Variants in GRIA2 observed in about 807,000 individuals in gnomAD.
The protein encoded by GRIA2 is glutamate receptor 2.
In GRIA2, 14 loss-of-function variants were observed where a neutral mutation model predicts 97.3. That is an observed-to-expected ratio of 0.14 (90% CI 0.10 to 0.23). The LOEUF (loss-of-function observed/expected upper bound fraction) is 0.23. GRIA2 is among the 10% of genes least tolerant of loss of function. GRIA2 has a pLI of 1.00. For synonymous variants in GRIA2, 412 were observed against 387.8 expected (o/e 1.06, Z -0.73); for missense variants, 558 against 1,069.8 (o/e 0.52, Z 6.67).
chr4:157,285,144 G>A (rs79846625), intron 2 of GRIA2, among the ~76,000 whole-genome samples: 36 of 151,650 alleles, frequency 2.4e-4, no homozygotes, highest in African/African-American at 8.4e-4. Flanking sequence ...TGGTCTTAAT[G>A]AGCATTTCCC....
intron 4 of GRIA2, among the ~76,000 whole-genome samples, chr4:157,315,275 G>T (rs771141274): frequency 6.6e-6 from 1 of 151,096 alleles, no homozygotes; most frequent in African/African-American, 2.4e-5. Flanking sequence ...TAAATGAAAA[G>T]AATGGTATGC....
chr4:157,243,577 A>G (rs527485975), intron 2 of GRIA2, among the ~76,000 whole-genome samples: 33 of 152,268 alleles, frequency 2.2e-4, no homozygotes, highest in African/African-American at 7.2e-4. Flanking sequence ...TAAAGCACTG[A>G]AGGACATTAA....
chr4:157,296,891 T>G, intron 2 of GRIA2, among the ~76,000 whole-genome samples: 1 of 152,140 alleles, frequency 6.6e-6, no homozygotes, highest in East Asian at 1.9e-4. Flanking sequence ...GCTCACAGTT[T>G]ATGGGCAAAC....
At chr4:157,335,500 C>G in intron 9 of GRIA2, 171 bp from the exon 10 acceptor site, 1 of 594,690 alleles carries the variant, frequency 1.7e-6, no homozygotes, top group South Asian at 2.0e-5. Context: ...CCGAGGCTTT[C>G]TGGGGGGAAG....
At chr4:157,287,356 G>A (rs1220057316) in intron 2 of GRIA2, among the ~76,000 whole-genome samples, 1 of 151,434 alleles carries the variant, frequency 6.6e-6, no homozygotes, top group African/African-American at 2.4e-5. Context: ...TAATATTGCT[G>A]TTTTTTATTT....
chr4:157,281,271 A>G (rs1417190353), intron 2 of GRIA2, among the ~76,000 whole-genome samples: 1 of 152,136 alleles, frequency 6.6e-6, no homozygotes, highest in East Asian at 1.9e-4. Context: ...TTACTAACAT[A>G]TCATACTTCC....
chr4:157,306,723 G>T (rs1733862291), intron 3 of GRIA2, among the ~76,000 whole-genome samples: 1 of 151,992 alleles, frequency 6.6e-6, no homozygotes, highest in South Asian at 2.1e-4. Flanking sequence ...TTTGCTATTT[G>T]TTTTTTTCTT....
chr4:157,310,583 TG>T (rs1297275946), intron 3 of GRIA2, among the ~76,000 whole-genome samples: 2 of 152,086 alleles, frequency 1.3e-5, no homozygotes, highest in African/African-American at 4.8e-5. Flanking sequence ...CCATCTCATC[TG>T]TAAATATTTC....
At chr4:157,228,126 G>T (rs1402643701) in intron 2 of GRIA2, among the ~76,000 whole-genome samples, 1 of 152,188 alleles carries the variant, frequency 6.6e-6, no homozygotes, top group African/African-American at 2.4e-5. Flanking sequence ...CCTTGCTGCT[G>T]TTAACTGTGT....
chr4:157,329,459 T>C (rs1313438270), intron 6 of GRIA2, among the ~76,000 whole-genome samples: 2 of 151,900 alleles, frequency 1.3e-5, no homozygotes, highest in East Asian at 3.9e-4. Flanking sequence ...TGGAAAATAA[T>C]TGATGTTAAA....
Position 157,365,436 on chromosome 4 carries a change from T to C in GRIA2, c.*2005T>C, listed in dbSNP as rs1340405066. The C allele has an allele frequency of 3.9e-5, 6 of 152,004 alleles. No individual in the cohort carries two copies. The highest frequency in any genetic ancestry group is 1.2e-4 in the African/African-American group (5 of 41,384). The allele number at this position is 152,004 out of a possible 1,614,324, so 9.4% of individuals were successfully genotyped here. On this transcript the variant is annotated 3_prime_UTR_variant, in exon 16 of 16. Transcript: ENST00000264426. Reference sequence around the variant, plus strand: ...GACTATATACAATCAATGCTATTTATTGTACCTCTGGGCCTACTCTTCTAA... The same window carrying C: ...GACTATATACAATCAATGCTATTTACTGTACCTCTGGGCCTACTCTTCTAA...
intron 2 of GRIA2, among the ~76,000 whole-genome samples, chr4:157,223,831 C>A (rs1295187698): frequency 6.6e-6 from 1 of 152,080 alleles, no homozygotes; most frequent in Non-Finnish European, 1.5e-5. Context: ...TAACATATGT[C>A]CATTGACAAA....
intron 2 of GRIA2, among the ~76,000 whole-genome samples, chr4:157,227,266 C>T (rs1729791842): frequency 1.3e-5 from 2 of 152,172 alleles, no homozygotes; most frequent in Admixed American, 6.5e-5. Flanking sequence ...TGTACTGAGA[C>T]ATTATGACAA....
intron 2 of GRIA2, among the ~76,000 whole-genome samples, chr4:157,281,797 A>G (rs1732610346): frequency 1.3e-5 from 2 of 152,124 alleles, no homozygotes; most frequent in African/African-American, 4.8e-5. Context: ...GAGATACTGA[A>G]AATGTGAAAC....
rs6855973 is a variant in GRIA2 at position 157,365,463 on chromosome 4, A to T, written c.*2032A>T. 0.15 allele frequency: 22,763 copies of T among 151,914 alleles called. 1,761 individuals carry two copies. Among genetic ancestry groups the T allele is most frequent in the Non-Finnish European group, 0.16 (10,998 of 67,540 alleles). The allele number at this position is 151,914 out of a possible 1,614,324, so 9.4% of individuals were successfully genotyped here. ...GTACCTCTGGGCCTACTCTTCTAAA[A>T]ATTGTAGCTTATCGATTTTTCTCTG... is the stretch of plus-strand genomic sequence containing the variant. On this transcript the variant is annotated 3_prime_UTR_variant, in exon 16 of 16. Coordinates refer to ENST00000264426, the MANE Select transcript of GRIA2 (RefSeq NM_001083619.3).
intron 2 of GRIA2, among the ~76,000 whole-genome samples, chr4:157,266,252 A>G (rs1054596819): frequency 6.6e-6 from 1 of 152,104 alleles, no homozygotes; most frequent in South Asian, 2.1e-4. Context: ...TCTGGGTTGG[A>G]GATGGAGAAC....
intron 3 of GRIA2, 96 bp downstream of exon 3, chr4:157,303,887 A>G: frequency 5.5e-6 from 7 of 1,267,088 alleles, no homozygotes; most frequent in Non-Finnish European, 6.8e-6. Context: ...GGTGTGATAA[A>G]GCCCAAGGAT....
At chr4:157,229,282 T>C (rs974665360) in intron 2 of GRIA2, among the ~76,000 whole-genome samples, 3 of 152,224 alleles carry the variant, frequency 2.0e-5, no homozygotes, top group African/African-American at 7.2e-5. Context: ...TTGTCTTATT[T>C]TCATTCTGTG....
At chr4:157,228,682 A>C (rs1006953195) in intron 2 of GRIA2, among the ~76,000 whole-genome samples, 1 of 150,616 alleles carries the variant, frequency 6.6e-6, no homozygotes, top group Non-Finnish European at 1.5e-5. Flanking sequence ...AGTCCCAGCT[A>C]CTCAGGAGGC....
Sources: gnomAD v4.1 joint callset for allele counts (sites outside exome capture counted in the v4.1 genomes callset) on GRCh38, gnomAD v4.1.1 for gene constraint, MANE v1.5 for transcripts, NCBI Gene and HGNC (gene_info 2026-07-23, HGNC 2026-07-21) for gene names.